RFC3: variants seen among roughly 807,000 people sequenced by gnomAD.
RFC3 encodes A1 38 kDa subunit.
RFC3 carries 41 observed loss-of-function variants against 45.1 expected under a neutral mutation model. The ratio of observed to expected loss-of-function variants is 0.91; its 90% CI spans 0.71 to 1.18. The LOEUF is 1.18. Ranked by LOEUF, RFC3 falls within the 50% of genes most tolerant of loss-of-function variation. The pLI, the probability that RFC3 is intolerant of heterozygous loss-of-function variation, is 0.00. For synonymous variants in RFC3, 149 were observed against 144.0 expected (o/e 1.03, Z -0.25); for missense variants, 423 against 428.1 (o/e 0.99, Z 0.10).
At chr13:33,896,733 A>T (rs2137652737) in intron 8 of RFC3, among the ~76,000 whole-genome samples, 1 of 147,850 alleles carries the variant, frequency 6.8e-6, no homozygotes, top group Middle Eastern at 3.4e-3. Context: ...AAAAAAAAAA[A>T]AAAAAAAAAA....
At chr13:33,897,548 G>T (rs551848002) in intron 8 of RFC3, among the ~76,000 whole-genome samples, 15 of 152,084 alleles carry the variant, frequency 9.9e-5, no homozygotes, top group Admixed American at 9.2e-4. Flanking sequence ...CAATAAAATG[G>T]CAGTAGTAAG....
At chr13:33,930,182 G>A (rs560459355) in intron 8 of RFC3, among the ~76,000 whole-genome samples, 73 of 152,180 alleles carry the variant, frequency 4.8e-4, no homozygotes, top group African/African-American at 1.6e-3. Flanking sequence ...ATATATGAAG[G>A]GGAGCTTATT....
intron 5 of RFC3, among the ~76,000 whole-genome samples, chr13:33,830,481 A>G (rs938966429): frequency 6.6e-6 from 1 of 152,328 alleles, no homozygotes; most frequent in Middle Eastern, 3.4e-3. Context: ...AGCAAAAATT[A>G]TGATTCCTCA....
chr13:33,902,708 G>C (rs918923331), intron 8 of RFC3, among the ~76,000 whole-genome samples: 1 of 151,940 alleles, frequency 6.6e-6, no homozygotes, highest in South Asian at 2.1e-4. Context: ...TCATCTGAAA[G>C]GCTATAGTAG....
At chr13:33,908,237 G>C (rs1457029929) in intron 8 of RFC3, among the ~76,000 whole-genome samples, 1 of 151,780 alleles carries the variant, frequency 6.6e-6, no homozygotes, top group Non-Finnish European at 1.5e-5. Flanking sequence ...AATGTCTTCT[G>C]AACAACCTAT....
chr13:33,903,969 C>T (rs1288606084), intron 8 of RFC3, among the ~76,000 whole-genome samples: 1 of 152,102 alleles, frequency 6.6e-6, no homozygotes, highest in African/African-American at 2.4e-5. Context: ...GTTTATTACA[C>T]TAACATCGTT....
intron 8 of RFC3, among the ~76,000 whole-genome samples, chr13:33,958,664 G>C (rs895261505): frequency 6.6e-5 from 10 of 152,204 alleles, no homozygotes; most frequent in African/African-American, 2.2e-4. Flanking sequence ...GGAGTTTCAG[G>C]TAAGGCTTGA....
chr13:33,887,666 C>A (rs890632715), intron 8 of RFC3, among the ~76,000 whole-genome samples: 2 of 152,292 alleles, frequency 1.3e-5, no homozygotes, highest in East Asian at 1.9e-4. Flanking sequence ...GCTTTAGTTG[C>A]CATTGCTTTT....
At chr13:33,868,205 C>T (rs549627865) in intron 8 of RFC3, among the ~76,000 whole-genome samples, 1 of 152,194 alleles carries the variant, frequency 6.6e-6, no homozygotes, top group African/African-American at 2.4e-5. Flanking sequence ...AGCTATTGTT[C>T]GGAAAGTCAA....
At chr13:33,956,689 G>C (rs1593717778) in intron 8 of RFC3, among the ~76,000 whole-genome samples, 1 of 152,154 alleles carries the variant, frequency 6.6e-6, no homozygotes, top group African/African-American at 2.4e-5. Flanking sequence ...ACTCTTAGCT[G>C]TGTGAAGCTG....
At chr13:33,957,890 G>A (rs1390972700) in intron 8 of RFC3, among the ~76,000 whole-genome samples, 1 of 152,084 alleles carries the variant, frequency 6.6e-6, no homozygotes, top group African/African-American at 2.4e-5. Context: ...TTTACAGGTT[G>A]TTCCTGAACT....
chr13:33,967,092 G>A (rs1447069892), downstream of RFC3, among the ~76,000 whole-genome samples: 1 of 151,970 alleles, frequency 6.6e-6, no homozygotes, highest in African/African-American at 2.4e-5. Flanking sequence ...AGGAGATAGA[G>A]GTTGCAGTGA....
intron 8 of RFC3, among the ~76,000 whole-genome samples, chr13:33,879,576 C>T (rs568375009): frequency 6.6e-6 from 1 of 152,192 alleles, no homozygotes; most frequent in East Asian, 1.9e-4. Context: ...TAAAGTATCA[C>T]TAATACTTTT....
chr13:33,857,411 G>A (rs1377391810), intron 8 of RFC3, among the ~76,000 whole-genome samples: 6 of 152,232 alleles, frequency 3.9e-5, no homozygotes, highest in East Asian at 1.9e-4. Flanking sequence ...CATTTAAGCC[G>A]CCTGCCCTTG....
chr13:33,916,571 T>C (rs548164282), intron 8 of RFC3, among the ~76,000 whole-genome samples: 25 of 152,258 alleles, frequency 1.6e-4, no homozygotes, highest in Admixed American at 1.3e-3. Context: ...ATAATACTTA[T>C]GGATGTTTGG....
Position 33,837,325 on chromosome 13 carries a change from T to C in RFC3, c.*1030T>C, listed in dbSNP as rs1403321305. 1 of 152,162 alleles carries C rather than the reference T, an allele frequency of 6.6e-6. No individual in the cohort carries two copies. Among genetic ancestry groups the C allele is most frequent in the African/African-American group, 2.4e-5 (1 of 41,452 alleles). 9.4% of individuals were successfully genotyped at this position (152,162 alleles called of 1,614,324 possible). ...GAATCAGATATTGTAAGCATTCTTG[T>C]GTAATACTTCATTCTCTCTCATTAT... On this transcript the variant is annotated 3_prime_UTR_variant, in exon 9 of 9. Transcript: ENST00000380071.
intron 8 of RFC3, among the ~76,000 whole-genome samples, chr13:33,951,558 A>G (rs1354090482): frequency 1.3e-5 from 2 of 151,882 alleles, no homozygotes; most frequent in Non-Finnish European, 2.9e-5. Flanking sequence ...TTTTAAACCC[A>G]GGGGATTTTG....
At chr13:33,908,145 A>G (rs2082682439) in intron 8 of RFC3, among the ~76,000 whole-genome samples, 1 of 152,064 alleles carries the variant, frequency 6.6e-6, no homozygotes, top group Non-Finnish European at 1.5e-5. Flanking sequence ...AATAAGATTA[A>G]TAATTTGCAC....
intron 8 of RFC3, among the ~76,000 whole-genome samples, chr13:33,960,390 C>T (rs1056207881): frequency 1.3e-5 from 2 of 152,142 alleles, no homozygotes; most frequent in Non-Finnish European, 2.9e-5. Flanking sequence ...GAGTCTTGCC[C>T]GAGTCTAGCT....
Sources: allele counts gnomAD v4.1 joint callset (sites outside exome capture counted in the v4.1 genomes callset), GRCh38; gene constraint gnomAD v4.1.1; transcripts MANE v1.5; gene names NCBI Gene and HGNC (gene_info 2026-07-23, HGNC 2026-07-21).